Variants in NACC2 observed in about 807,000 individuals in gnomAD.
NACC2 encodes NACC family member 2.
NACC2 carries 8 observed loss-of-function variants against 25.1 expected under a neutral mutation model. The observed-to-expected ratio is 0.32, with a 90% confidence interval of 0.19 to 0.57. NACC2 has a LOEUF of 0.57. Among genes scored for constraint, NACC2 ranks in the 20% least tolerant of loss-of-function variants. The pLI, the probability that NACC2 is intolerant of heterozygous loss-of-function variation, is 0.89. For synonymous variants in NACC2, 435 were observed against 294.7 expected (o/e 1.48, Z -4.88); for missense variants, 644 against 650.2 (o/e 0.99, Z 0.10).
At chr9:136,024,152 C>G (rs1588560623) in intron 2 of NACC2, among the ~76,000 whole-genome samples, 1 of 71,946 alleles carries the variant, frequency 1.4e-5, no homozygotes, top group Non-Finnish European at 2.7e-5. Context: ...TGTGTGGGGA[C>G]AGAGTGTGTG....
intron 2 of NACC2, among the ~76,000 whole-genome samples, chr9:136,031,324 C>T (rs908956018): frequency 6.6e-6 from 1 of 150,590 alleles, no homozygotes; most frequent in South Asian, 2.1e-4. Context: ...ACTCCACAGC[C>T]TCATTCATTC....
intron 2 of NACC2, among the ~76,000 whole-genome samples, chr9:136,038,560 A>T (rs1380687951): frequency 1.3e-5 from 2 of 152,284 alleles, no homozygotes; most frequent in Middle Eastern, 3.4e-3. Context: ...AATAATATAA[A>T]TTTTTTTAAA....
At chr9:136,067,692 G>A (rs189654515) in intron 1 of NACC2, among the ~76,000 whole-genome samples, 189 of 152,228 alleles carry the variant, frequency 1.2e-3, no homozygotes, top group African/African-American at 3.5e-3. Flanking sequence ...AAAATTAGCC[G>A]AGCGTGGTGG....
intron 2 of NACC2, among the ~76,000 whole-genome samples, chr9:136,017,952 C>A (rs955600187): frequency 6.6e-6 from 1 of 152,180 alleles, no homozygotes; most frequent in African/African-American, 2.4e-5. Context: ...CGGGGCTGGA[C>A]CTTGCTTGCC....
chr9:136,032,889 G>A (rs1351253493), intron 2 of NACC2, among the ~76,000 whole-genome samples: 2 of 152,052 alleles, frequency 1.3e-5, no homozygotes, highest in Admixed American at 1.3e-4. Context: ...ATGGTGGCAG[G>A]CGCCTGTAAT....
rs117116359 is a variant in NACC2 at position 136,011,057 on chromosome 9, C to T, written c.*459G>A. The T allele has an allele frequency of 8.9e-3, 1,362 of 153,844 alleles. 8 individuals carry two copies. Among genetic ancestry groups the T allele is most frequent in the Non-Finnish European group, 0.014 (973 of 69,186 alleles). The allele number at this position is 153,844 out of a possible 1,614,324, so 9.5% of individuals were successfully genotyped here. ...AGGCCCTGGAGCCTGAGCCCTGCCC[C>T]GTCGCCCCAGAGAGGTTCCATGGGG... On this transcript the variant is annotated 3_prime_UTR_variant, in exon 6 of 6. Coordinates refer to ENST00000277554, the MANE Select transcript of NACC2 (RefSeq NM_144653.5).
At chr9:136,061,065 G>A (rs57318567) in intron 1 of NACC2, among the ~76,000 whole-genome samples, 48,198 of 152,090 alleles carry the variant, frequency 0.32, 8,185 homozygotes, top group South Asian at 0.54. Flanking sequence ...ACGGACGGAC[G>A]CCCCCTCAGT....
chr9:136,015,751 C>A (rs1004648456), intron 3 of NACC2, among the ~76,000 whole-genome samples: 11 of 152,234 alleles, frequency 7.2e-5, no homozygotes, highest in African/African-American at 2.7e-4. Flanking sequence ...CTTTAGCCTG[C>A]CCCATCTTCT....
intron 1 of NACC2, among the ~76,000 whole-genome samples, chr9:136,094,978 C>T (rs1830474551): frequency 6.8e-6 from 1 of 146,216 alleles, no homozygotes; most frequent in South Asian, 2.1e-4. Flanking sequence ...GCCCGGCCCC[C>T]CTCCGCGGGC....
At chr9:136,054,411 T>TGAGAGCC (rs1357464737) in intron 1 of NACC2, among the ~76,000 whole-genome samples, 5 of 152,206 alleles carry the variant, frequency 3.3e-5, no homozygotes, top group African/African-American at 1.2e-4. Flanking sequence ...CCCAGCCTGC[T>TGAGAGCC]GAGAGCCGGA....
In NACC2 at chr9:136,043,986, G is replaced by A. The variant is rs1056735200; in HGVS notation, c.886+5650C>T. On this transcript the variant is annotated intron_variant, in intron 2 of 5. Coordinates refer to ENST00000277554, the MANE Select transcript of NACC2 (RefSeq NM_144653.5). ...ACTACAAGCGTGCATCACCACACCC[G>A]GCTAATTTTTGTATTTTCAGTAGAG... Among the ~76,000 whole-genome samples, 17 of 152,094 alleles carry A rather than the reference G, an allele frequency of 1.1e-4. No individual in the cohort carries two copies. The East Asian group carries it at 2.5e-3, about 23-fold the overall frequency.
In NACC2 at chr9:136,084,177, C is replaced by T. The variant is rs1029808738; in HGVS notation, c.-60+11012G>A. Among the ~76,000 whole-genome samples, 2 of 152,072 alleles carry T rather than the reference C, an allele frequency of 1.3e-5. No individual in the cohort carries two copies. Among genetic ancestry groups the T allele is most frequent in the Non-Finnish European group, 2.9e-5 (2 of 67,994 alleles). On this transcript the variant is annotated intron_variant, in intron 1 of 5. Coordinates refer to ENST00000277554, the MANE Select transcript of NACC2 (RefSeq NM_144653.5). This position sits in a 1 kb window ranked among gnomAD's most constrained non-coding sequence, Gnocchi z 5.1. ...CCGTCTTTCCAGGAGCAGTGGGTTCCGATGAGACCCTCAACACCCACTCAC... is the reference window on the plus strand; with the variant it reads ...CCGTCTTTCCAGGAGCAGTGGGTTCTGATGAGACCCTCAACACCCACTCAC...
intron 1 of NACC2, among the ~76,000 whole-genome samples, chr9:136,068,811 G>C (rs1342804416): frequency 6.6e-6 from 1 of 151,088 alleles, no homozygotes; most frequent in Admixed American, 6.6e-5. Context: ...ACAAAAGATA[G>C]AACAGAATCA....
At chr9:136,064,193 G>A (rs544821744) in intron 1 of NACC2, among the ~76,000 whole-genome samples, 3 of 152,056 alleles carry the variant, frequency 2.0e-5, no homozygotes, top group East Asian at 3.9e-4. Flanking sequence ...GGAGGCTGAG[G>A]GGGGAGAATC....
At position 136,050,166 on chromosome 9, in the gene NACC2, A is replaced by G; in HGVS notation, c.356T>C (p.Leu119Pro). 1 of 770,238 alleles carries G rather than the reference A, an allele frequency of 1.3e-6. No homozygotes were observed. Among genetic ancestry groups the G allele is most frequent in the South Asian group, 1.4e-5 (1 of 73,446 alleles). The allele number at this position is 770,238 out of a possible 1,614,324, so 47.7% of individuals were successfully genotyped here. ...IQHIVERGTD[L>P]MFKVSSPHCD... ...GTGGGGCGAGCTCACCTTGAACATGAGGTCGGTGCCGCGCTCCACGATGTG... is the reference window on the plus strand; with the variant it reads ...GTGGGGCGAGCTCACCTTGAACATGGGGTCGGTGCCGCGCTCCACGATGTG... The change falls in exon 2 of 6, where the codon CTC (leucine) becomes CCC (proline). Residue 119 changes from leucine (L) to proline (P), a missense_variant. Leu to Pro is a moderately conservative substitution (Grantham distance 98, BLOSUM62 -3). Transcript: ENST00000277554.
chr9:136,021,679 A>G (rs1840296781), intron 2 of NACC2, among the ~76,000 whole-genome samples: 1 of 152,214 alleles, frequency 6.6e-6, no homozygotes, highest in Non-Finnish European at 1.5e-5. Flanking sequence ...CTACTCTTGA[A>G]TGCCCCAGGC....
chr9:136,078,657 A>G (rs1830289356), intron 1 of NACC2, among the ~76,000 whole-genome samples: 1 of 152,258 alleles, frequency 6.6e-6, no homozygotes, highest in Non-Finnish European at 1.5e-5. Context: ...ACATCGGGAC[A>G]GAAAGGGGCG....
At chr9:136,041,093 GGA>G (rs1840623071) in intron 2 of NACC2, among the ~76,000 whole-genome samples, 62 of 29,972 alleles carry the variant, frequency 2.1e-3, no homozygotes, top group Middle Eastern at 0.024. Flanking sequence ...AGGAAGCAAA[GGA>G]AAGGAAAGGA....
At chr9:136,016,571 C>T (rs1050176838) in intron 2 of NACC2, 142 bp from the exon 3 acceptor site, 42 of 949,094 alleles carry the variant, frequency 4.4e-5, no homozygotes, top group South Asian at 4.2e-4. Context: ...CACTCTGTGC[C>T]GCTCTCCTGC....
Sources: gnomAD v4.1 joint callset for allele counts (sites outside exome capture counted in the v4.1 genomes callset) on GRCh38, gnomAD v4.1.1 for gene constraint, Gnocchi (gnomAD v3.1) non-coding constraint, MANE v1.5 for transcripts, NCBI Gene and HGNC (gene_info 2026-07-23, HGNC 2026-07-21) for gene names.